The following SLC5A7 variants were observed in gnomAD, a reference collection of about 807,000 sequenced individuals.
The protein encoded by SLC5A7 is high affinity choline transporter 1.
Under a neutral mutation model 55.4 loss-of-function variants are expected in SLC5A7, and 19 were observed. The ratio of observed to expected loss-of-function variants is 0.34; its 90% CI spans 0.24 to 0.50. The LOEUF (loss-of-function observed/expected upper bound fraction) is 0.50. Ranked by LOEUF, SLC5A7 falls within the 20% of genes least tolerant of loss-of-function variation. The pLI is 0.98. For missense variants in SLC5A7, 506 were observed against 705.3 expected (o/e 0.72, Z 3.20); for synonymous variants, 265 against 263.7 (o/e 1.00, Z -0.05).
At chr2:108,009,611 C>G (rs137873821) in intron 8 of SLC5A7, among the ~76,000 whole-genome samples, 2 of 152,228 alleles carry the variant, frequency 1.3e-5, no homozygotes, top group African/African-American at 4.8e-5. Context: ...TGGCTTCCAC[C>G]TTCATCCATG....
intron 5 of SLC5A7, among the ~76,000 whole-genome samples, chr2:108,001,440 G>A (rs1340428085): frequency 6.6e-6 from 1 of 151,976 alleles, no homozygotes; most frequent in Non-Finnish European, 1.5e-5. Context: ...TTGGGAGGCC[G>A]AGGCGGGCGG....
chr2:107,995,454 A>T (rs1405621876), intron 4 of SLC5A7, among the ~76,000 whole-genome samples: 2 of 122,352 alleles, frequency 1.6e-5, no homozygotes, highest in Non-Finnish European at 3.5e-5. Flanking sequence ...GGAGAGAGAG[A>T]GAGAGAGAGA....
intron 7 of SLC5A7, 150 bp downstream of exon 7, chr2:108,006,352 C>A: frequency 2.1e-6 from 1 of 479,590 alleles, no homozygotes; most frequent in Non-Finnish European, 3.1e-6. Flanking sequence ...TTCAGTAAAT[C>A]GTATTATATA....
At chr2:107,998,711 G>A (rs1172967903) in intron 5 of SLC5A7, among the ~76,000 whole-genome samples, 1 of 152,140 alleles carries the variant, frequency 6.6e-6, no homozygotes, top group Non-Finnish European at 1.5e-5. Flanking sequence ...ATAGGTTCAT[G>A]TACATTATCT....
chr2:107,987,171 T>C (rs1331729979), intron 1 of SLC5A7, among the ~76,000 whole-genome samples: 1 of 151,974 alleles, frequency 6.6e-6, no homozygotes, highest in Non-Finnish European at 1.5e-5. Flanking sequence ...CAGAAACTTG[T>C]ATGTGAGAGT....
Position 108,010,709 on chromosome 2 carries a change from C to A in SLC5A7, c.1591C>A (p.Leu531Ile). The A allele has an allele frequency of 6.2e-7, 1 of 1,613,772 alleles. No individual in the cohort carries two copies. The highest frequency in any genetic ancestry group is 8.5e-7 in the Non-Finnish European group (1 of 1,179,864). ...TGAAGAAAACATGGATAAGACAATT[C>A]TTGTCAAAAATGAAAATATTAAATT... is the stretch of plus-strand genomic sequence containing the variant. The part of the protein sequence containing the change: ...HSEENMDKTI[L>I]VKNENIKLDE... Residue 531 changes from leucine to isoleucine, a missense_variant, in exon 9 of 9, where the codon CTT becomes ATT. Transcript: ENST00000264047.
chr2:108,009,106 C>G (rs1678222225), intron 8 of SLC5A7, among the ~76,000 whole-genome samples: 1 of 151,988 alleles, frequency 6.6e-6, no homozygotes, highest in Non-Finnish European at 1.5e-5. Context: ...TTTATACTTG[C>G]ACTCCAAAGT....
intron 3 of SLC5A7, 46 bp downstream of exon 3, chr2:107,992,265 A>G (rs1407115566): frequency 1.8e-6 from 2 of 1,100,372 alleles, no homozygotes; most frequent in Non-Finnish European, 1.4e-6. Flanking sequence ...TAAAGTATAC[A>G]GAACAAGAGT....
In SLC5A7 at chr2:107,988,180, A is replaced by G. The variant is rs986550712; in HGVS notation, c.25A>G (p.Ile9Val). 1.9e-6 allele frequency: 3 copies of G among 1,613,990 alleles called. No homozygotes were observed. Among genetic ancestry groups the G allele is most frequent in the Non-Finnish European group, 2.5e-6 (3 of 1,179,852 alleles). ...AATGGCTTTCCATGTGGAAGGACTG[A>G]TAGCTATCATCGTGTTCTACCTTCT... is the stretch of plus-strand genomic sequence containing the variant. MAFHVEGL[I>V]AIIVFYLLIL... Residue 9 changes from isoleucine to valine, a missense_variant, in exon 2 of 9, where the codon ATA becomes GTA. Ile to Val is a conservative substitution (Grantham distance 29). Around this residue, in one of 4 missense-constraint regions of SLC5A7, gnomAD observed 56 missense variants for 62.6 expected, o/e 0.89. Transcript: ENST00000264047.
chr2:108,008,135 A>G (rs1444663822), intron 7 of SLC5A7, among the ~76,000 whole-genome samples: 1 of 152,212 alleles, frequency 6.6e-6, no homozygotes, highest in Admixed American at 6.5e-5. Flanking sequence ...CACATTTCCA[A>G]GTGGTTGAAG....
At position 108,011,038 on chromosome 2, in the gene SLC5A7, A is replaced by G. The variant is rs1678309398; in HGVS notation, c.*177A>G. On this transcript the variant is annotated 3_prime_UTR_variant, in exon 9 of 9. Coordinates refer to ENST00000264047, the MANE Select transcript of SLC5A7 (RefSeq NM_021815.5). ...GCCAAGCTAGAAGGAAGCACCTATG[A>G]AAGCAACAACTTTGTTTCTCATCCA... is the stretch of plus-strand genomic sequence containing the variant. 1 of 547,164 alleles carries G rather than the reference A, an allele frequency of 1.8e-6. No homozygotes were observed. The highest frequency in any genetic ancestry group is 2.9e-6 in the Non-Finnish European group (1 of 346,408). 33.9% of individuals were successfully genotyped at this position (547,164 alleles called of 1,614,324 possible).
At chr2:107,994,557 G>A (rs1490775537) in intron 4 of SLC5A7, among the ~76,000 whole-genome samples, 2 of 152,094 alleles carry the variant, frequency 1.3e-5, no homozygotes, top group South Asian at 4.1e-4. Flanking sequence ...CTGCACTCCA[G>A]CCTGGGCGAC....
chr2:108,002,954 T>C (rs1677973577), intron 6 of SLC5A7, among the ~76,000 whole-genome samples: 1 of 152,218 alleles, frequency 6.6e-6, no homozygotes, highest in Admixed American at 6.5e-5. Flanking sequence ...TTGGCAATAT[T>C]GTATGACTTT....
rs778459202 is a variant in SLC5A7 at position 107,997,888 on chromosome 2, A to G, written c.499A>G (p.Ile167Val). The G allele has an allele frequency of 1.2e-6, 2 of 1,612,152 alleles. No homozygotes were observed. Among genetic ancestry groups the G allele is most frequent in the South Asian group, 1.1e-5 (1 of 90,770 alleles). Residue 167 changes from isoleucine to valine, a missense_variant, in exon 5 of 9, where the codon ATC becomes GTC. This residue lies in a region of SLC5A7 where 309 missense variants were observed against 478.6 expected (regional missense o/e 0.65). Transcript: ENST00000264047. ...TGTGGATATGCACATTTCTGTCATC[A>G]TCTCTGCACTCATTGCCACTCTGTA... ...IDVDMHISVI[I>V]SALIATLYTL...
intron 4 of SLC5A7, among the ~76,000 whole-genome samples, chr2:107,995,658 G>C (rs896241100): frequency 1.3e-5 from 2 of 152,056 alleles, no homozygotes; most frequent in Non-Finnish European, 2.9e-5. Flanking sequence ...TTAAAATTTA[G>C]TGTTTATTAC....
intron 3 of SLC5A7, 21 bp downstream of exon 3, chr2:107,992,240 C>T (rs1558859970): frequency 8.6e-6 from 12 of 1,400,080 alleles, no homozygotes; most frequent in African/African-American, 1.4e-5. Flanking sequence ...GTGCAAATCT[C>T]AGTGACTCAC....
intron 5 of SLC5A7, among the ~76,000 whole-genome samples, chr2:107,998,510 TATTATA>T (rs891558924): frequency 3.2e-4 from 49 of 152,234 alleles, no homozygotes; most frequent in African/African-American, 1.1e-3. Flanking sequence ...CTATTGTTTT[TATTATA>T]ATTATGAGAC....
Position 107,997,912 on chromosome 2 carries a change from T to C in SLC5A7, c.523T>C (p.Tyr175His). The C allele has an allele frequency of 6.2e-7, 1 of 1,614,134 alleles. No homozygotes were observed. The highest frequency in any genetic ancestry group is 1.1e-5 in the South Asian group (1 of 91,068). Residue 175 changes from tyrosine to histidine, a missense_variant, in exon 5 of 9, where the codon TAC becomes CAC. Coordinates refer to ENST00000264047, the MANE Select transcript of SLC5A7 (RefSeq NM_021815.5). Reference sequence around the variant, plus strand: ...CATCTCTGCACTCATTGCCACTCTGTACACACTGGTGGGAGGGCTCTATTC... The same window carrying C: ...CATCTCTGCACTCATTGCCACTCTGCACACACTGGTGGGAGGGCTCTATTC... ...VIISALIATLYTLVGGLYSVA... is the reference protein window; with the variant it reads ...VIISALIATLHTLVGGLYSVA...
Position 107,994,306 on chromosome 2 carries a change from G to A in SLC5A7, c.448+1179G>A, listed in dbSNP as rs184204556. Among the ~76,000 whole-genome samples the A allele has an allele frequency of 4.6e-5, 7 of 152,318 alleles. No individual in the cohort carries two copies. The East Asian group carries it at 5.8e-4, about 13-fold the overall frequency. On this transcript the variant is annotated intron_variant, in intron 4 of 8. Coordinates refer to ENST00000264047, the MANE Select transcript of SLC5A7 (RefSeq NM_021815.5). ...TACAGCAAGAACTAGGTGGGGGGCC[G>A]GGCGCGGTGGCTCACGCCTGTAATC...
Sources: gnomAD v4.1 joint callset for allele counts (sites outside exome capture counted in the v4.1 genomes callset) on GRCh38, gnomAD v4.1.1 for gene constraint, gnomAD v4.1.1 regional missense constraint, MANE v1.5 for transcripts, NCBI Gene and HGNC (gene_info 2026-07-23, HGNC 2026-07-21) for gene names.